PCNT: variants seen among roughly 807,000 people sequenced by gnomAD.
PCNT encodes the protein kendrin.
Under a neutral mutation model 380.4 loss-of-function variants are expected in PCNT, and 319 were observed. The ratio of observed to expected loss-of-function variants is 0.84; its 90% CI spans 0.77 to 0.92. The LOEUF (loss-of-function observed/expected upper bound fraction) is 0.92, where lower values mean the gene tolerates loss of function less well. Ranked by LOEUF, PCNT falls within the 40% of genes least tolerant of loss-of-function variation. PCNT has a pLI of 0.00. For missense variants in PCNT, 4,400 were observed against 4,255.3 expected (o/e 1.03, Z -0.95); for synonymous variants, 1,845 against 1,735.2 (o/e 1.06, Z -1.57).
chr21:46,404,953 A>G (rs1747863556), intron 27 of PCNT, among the ~76,000 whole-genome samples: 1 of 152,088 alleles, frequency 6.6e-6, no homozygotes, highest in Admixed American at 6.6e-5. Flanking sequence ...AATTAACTTT[A>G]TGGCCGGGCA....
intron 27 of PCNT, among the ~76,000 whole-genome samples, chr21:46,409,836 T>C (rs2086729002): frequency 6.6e-6 from 1 of 151,752 alleles, no homozygotes; most frequent in African/African-American, 2.4e-5. Context: ...TCAAGTGATC[T>C]GCCTGCCTCA....
intron 21 of PCNT, among the ~76,000 whole-genome samples, chr21:46,395,043 C>T (rs1028455844): frequency 6.6e-6 from 1 of 152,232 alleles, no homozygotes. Flanking sequence ...CCAGGGAGTG[C>T]AGTCAGGGGA....
At chr21:46,361,438 T>C (rs920499356) in intron 13 of PCNT, among the ~76,000 whole-genome samples, 3 of 152,220 alleles carry the variant, frequency 2.0e-5, no homozygotes, top group Non-Finnish European at 4.4e-5. Flanking sequence ...TTGTCTTTTA[T>C]CAGTACAGTC....
At chr21:46,414,221 A>G (rs1041259816) in intron 29 of PCNT, among the ~76,000 whole-genome samples, 1 of 151,960 alleles carries the variant, frequency 6.6e-6, no homozygotes, top group Non-Finnish European at 1.5e-5. Flanking sequence ...TGAACTCTTG[A>G]CCTTAGGTGA....
At position 46,438,402 on chromosome 21, in the gene PCNT, C is replaced by T. The variant is rs2053519468; in HGVS notation, c.9273+65C>T. On this transcript the variant is annotated intron_variant, in intron 41 of 46. Coordinates refer to ENST00000359568, the MANE Select transcript of PCNT (RefSeq NM_006031.6). ...CCCACCATGGTCCAGAGCAGCTCCA[C>T]CCCACAAGAGGCCGGGCTCCCTTTA... The T allele has an allele frequency of 3.4e-6, 5 of 1,481,978 alleles. No individual in the cohort carries two copies. In the Admixed American group the frequency reaches 5.0e-5, roughly 15 times the overall value. 91.8% of individuals were successfully genotyped at this position (1,481,978 alleles called of 1,614,324 possible). A position where few individuals can be genotyped will look rare whatever the true frequency, so the allele number is the denominator to read the frequency against.
chr21:46,357,805 C>G (rs1486693791), intron 13 of PCNT, among the ~76,000 whole-genome samples: 1 of 152,210 alleles, frequency 6.6e-6, no homozygotes, highest in Non-Finnish European at 1.5e-5. Flanking sequence ...GCCCGGGTGC[C>G]AAGCACGTGG....
intron 16 of PCNT, among the ~76,000 whole-genome samples, chr21:46,384,336 A>C (rs1201232884): frequency 6.8e-6 from 1 of 147,828 alleles, no homozygotes; most frequent in East Asian, 2.1e-4. Context: ...TTGTGCATTC[A>C]GTGGCGGAAG....
chr21:46,425,615 T>C lies in PCNT; in HGVS notation c.7180-216T>C, dbSNP rs987409722. Among the ~76,000 whole-genome samples, 2 of 152,228 alleles carry C rather than the reference T, an allele frequency of 1.3e-5. No individual in the cohort carries two copies. Among genetic ancestry groups the C allele is most frequent in the Non-Finnish European group, 2.9e-5 (2 of 68,038 alleles). On this transcript the variant is annotated intron_variant, in intron 32 of 46. Transcript: ENST00000359568. This position sits in a 1 kb window ranked among gnomAD's most constrained non-coding sequence, Gnocchi z 4.2. ...AGAGAAATTCACTCCAAGCCTGGCTTCCGTGTTGTCTCTCTGAAGGTCGGG... is the reference window on the plus strand; with the variant it reads ...AGAGAAATTCACTCCAAGCCTGGCTCCCGTGTTGTCTCTCTGAAGGTCGGG...
chr21:46,442,697 G>T, intron 44 of PCNT, 124 bp downstream of exon 44: 1 of 739,278 alleles, frequency 1.4e-6, no homozygotes, highest in East Asian at 2.7e-5. Flanking sequence ...AAGAAAATCC[G>T]TGAATTCCGT....
At chr21:46,418,834 G>A (rs900575512) in intron 31 of PCNT, among the ~76,000 whole-genome samples, 106 of 152,254 alleles carry the variant, frequency 7.0e-4, no homozygotes, top group Non-Finnish European at 8.1e-4. Flanking sequence ...GTGTCCTCGC[G>A]ATGGTGCGTG....
rs1343505317 is a variant in PCNT, at chr21:46,441,000, T to G, written c.9539T>G (p.Phe3180Cys). 1.2e-6 allele frequency: 2 copies of G among 1,614,138 alleles called. No homozygotes were observed. The highest frequency in any genetic ancestry group is 3.3e-5 in the Admixed American group (2 of 60,026). ...TLSMIAHLGV[F>C]PSKAERKITS... Reference sequence around the variant, plus strand: ...TCCATGATTGCCCATTTGGGGGTATTTCCTTCCAAAGCAGAACGGAAAATC... The same window carrying G: ...TCCATGATTGCCCATTTGGGGGTATGTCCTTCCAAAGCAGAACGGAAAATC... The change falls in exon 43 of 47, where the codon TTT becomes TGT. Residue 3180 changes from phenylalanine to cysteine, a missense_variant. Transcript: ENST00000359568.
chr21:46,387,385 G>A (rs2085874873), intron 17 of PCNT, among the ~76,000 whole-genome samples: 1 of 152,214 alleles, frequency 6.6e-6, no homozygotes, highest in Non-Finnish European at 1.5e-5. Flanking sequence ...AAACCGAGGG[G>A]CACAGCGGCC....
At chr21:46,344,650 G>C (rs1232303437) in intron 3 of PCNT, among the ~76,000 whole-genome samples, 1 of 152,246 alleles carries the variant, frequency 6.6e-6, no homozygotes, top group East Asian at 1.9e-4. Context: ...AAAGGTGCCT[G>C]GCTGATGCAG....
chr21:46,339,083 A>T (rs942450607), intron 3 of PCNT, among the ~76,000 whole-genome samples: 5 of 150,772 alleles, frequency 3.3e-5, no homozygotes, highest in African/African-American at 1.2e-4. Context: ...CACCCGGCCT[A>T]ATTTTTGTAT....
rs777704247 is a variant in PCNT at position 46,402,405 on chromosome 21, G to A, written c.5037G>A (p.Leu1679=). ...LESKNEEILH[L]NLKLDMQNSQ... ...GTAAAAATGAAGAAATACTACATCTGAACTTAAAATTGGACATGCAGAACA... is the reference window on the plus strand; with the variant it reads ...GTAAAAATGAAGAAATACTACATCTAAACTTAAAATTGGACATGCAGAACA... The change falls in exon 27 of 47, where the codon CTG becomes CTA. Residue 1679 remains leucine, a synonymous_variant. Transcript: ENST00000359568. The A allele has an allele frequency of 6.2e-7, 1 of 1,613,352 alleles. No homozygotes were observed. The highest frequency in any genetic ancestry group is 8.5e-7 in the Non-Finnish European group (1 of 1,179,284).
At chr21:46,336,808 TA>T (rs1487286150) in intron 3 of PCNT, among the ~76,000 whole-genome samples, 16 of 152,246 alleles carry the variant, frequency 1.1e-4, no homozygotes, top group African/African-American at 3.4e-4. Flanking sequence ...TTTGTATTTA[TA>T]GACATATATG....
Position 46,385,937 on chromosome 21 carries a change from C to T in PCNT, c.3418C>T (p.Leu1140Phe). 1 of 1,614,118 alleles carries T rather than the reference C, an allele frequency of 6.2e-7. No individual in the cohort carries two copies. Among genetic ancestry groups the T allele is most frequent in the Non-Finnish European group, 8.5e-7 (1 of 1,180,014 alleles). Residue 1140 changes from leucine to phenylalanine, a missense_variant, in exon 17 of 47, where the codon CTC becomes TTC. By Grantham distance (22) the Leu-to-Phe change is conservative. Transcript: ENST00000359568. ...RERENREGAN[L>F]LSMLKADVNL... The stretch of plus-strand genomic sequence containing the variant: ...GCGGGAGAACCGGGAAGGCGCAAAC[C>T]TCCTCTCCATGCTCAAGGCCGACGT...
Position 46,397,995 on chromosome 21 carries a change from A to G in PCNT, c.4447-19A>G. 1 of 1,561,360 alleles carries G rather than the reference A, an allele frequency of 6.4e-7. No homozygotes were observed. The highest frequency in any genetic ancestry group is 8.7e-7 in the Non-Finnish European group (1 of 1,154,614). On this transcript the variant is annotated intron_variant, in intron 22 of 46. Coordinates refer to ENST00000359568, the MANE Select transcript of PCNT (RefSeq NM_006031.6). Reference sequence around the variant, plus strand: ...CCAGCCCCGTTGGGGTGGTCCCAACACGCTGCCTCTCCTCCCAGGAGCAGG... The same window carrying G: ...CCAGCCCCGTTGGGGTGGTCCCAACGCGCTGCCTCTCCTCCCAGGAGCAGG...
At chr21:46,403,460 C>T (rs9978980) in intron 27 of PCNT, among the ~76,000 whole-genome samples, 7,842 of 121,776 alleles carry the variant, frequency 0.064, 439 homozygotes, top group East Asian at 0.098. Context: ...GGTGCCCACG[C>T]GGCACGTGCT....
Sources: gnomAD v4.1 joint callset for allele counts (sites outside exome capture counted in the v4.1 genomes callset) on GRCh38, gnomAD v4.1.1 for gene constraint, Gnocchi (gnomAD v3.1) non-coding constraint, MANE v1.5 for transcripts, NCBI Gene and HGNC (gene_info 2026-07-23, HGNC 2026-07-21) for gene names.